The following RAB27A variants were observed in gnomAD, a reference collection of about 807,000 sequenced individuals.
RAB27A encodes RAB27A, member RAS oncogene family.
A neutral mutation model predicts 20.8 loss-of-function variants in RAB27A; 17 were observed. The ratio of observed to expected loss-of-function variants is 0.82; its 90% confidence interval spans 0.56 to 1.23. The LOEUF is 1.23. RAB27A is among the 50% of genes most tolerant of loss of function. RAB27A has a pLI of 0.00. For missense variants in RAB27A, 277 were observed against 266.7 expected (o/e 1.04, Z -0.27); for synonymous variants, 85 against 92.8 (o/e 0.92, Z 0.48).
chr15:55,259,753 G>C (rs1291746567), intron 2 of RAB27A, among the ~76,000 whole-genome samples: 1 of 151,992 alleles, frequency 6.6e-6, no homozygotes, highest in Non-Finnish European at 1.5e-5. Context: ...ACCATTTATT[G>C]CATAAAATTA....
At chr15:55,244,503 G>A (rs1213078087) in intron 2 of RAB27A, among the ~76,000 whole-genome samples, 1 of 152,090 alleles carries the variant, frequency 6.6e-6, no homozygotes, top group East Asian at 1.9e-4. Context: ...GTTGGGGGGA[G>A]ATGACGTCTC....
chr15:55,210,213 A>ATGTGTATGTATACATACACACATGTGTG (rs1894947990), intron 6 of RAB27A, among the ~76,000 whole-genome samples: 1 of 142,794 alleles, frequency 7.0e-6, no homozygotes, highest in Non-Finnish European at 1.5e-5. Context: ...ACACACATGT[A>ATGTGTATGTATACATACACACATGTGTG]TGTGTATGTA....
At chr15:55,220,694 T>G (rs1895529928) in intron 6 of RAB27A, among the ~76,000 whole-genome samples, 1 of 152,270 alleles carries the variant, frequency 6.6e-6, no homozygotes, top group Non-Finnish European at 1.5e-5. Context: ...GTTTTCTGAC[T>G]GTTAGCACAT....
At chr15:55,316,191 C>T (rs1371711062) in intron 1 of RAB27A, among the ~76,000 whole-genome samples, 2 of 148,990 alleles carry the variant, frequency 1.3e-5, no homozygotes, top group South Asian at 2.1e-4. Context: ...ACCAATATTG[C>T]GCCACTGCGC....
intron 2 of RAB27A, among the ~76,000 whole-genome samples, chr15:55,309,975 G>C (rs537625883): frequency 1.6e-4 from 24 of 152,034 alleles, no homozygotes; most frequent in African/African-American, 5.8e-4. Context: ...ACTCGAACAG[G>C]ACGGGCATTC....
upstream of RAB27A, chr15:55,290,008 C>T (rs575708659): frequency 4.6e-5 from 7 of 152,324 alleles, 1 homozygote; most frequent in South Asian, 1.4e-3. Context: ...CCGCTCGCCT[C>T]CTTTGTCCCA....
chr15:55,318,396 C>G (rs1443527681), intron 1 of RAB27A, among the ~76,000 whole-genome samples: 4 of 145,960 alleles, frequency 2.7e-5, no homozygotes, highest in Non-Finnish European at 4.5e-5. Flanking sequence ...CGCGCCCGGC[C>G]TGGTTTTACT....
At chr15:55,213,639 G>A (rs1445945170) in intron 6 of RAB27A, among the ~76,000 whole-genome samples, 1 of 152,094 alleles carries the variant, frequency 6.6e-6, no homozygotes, top group Admixed American at 6.5e-5. Context: ...CAGATTAGCA[G>A]CATCATTAGA....
intron 6 of RAB27A, among the ~76,000 whole-genome samples, chr15:55,213,609 A>T (rs1444260934): frequency 1.3e-5 from 2 of 152,096 alleles, no homozygotes; most frequent in Non-Finnish European, 1.5e-5. Context: ...TCACATTACC[A>T]CCTGAGCTCT....
intron 2 of RAB27A, among the ~76,000 whole-genome samples, chr15:55,266,656 C>T (rs1897498036): frequency 6.6e-6 from 1 of 152,204 alleles, no homozygotes; most frequent in Non-Finnish European, 1.5e-5. Flanking sequence ...AAAGCACTAA[C>T]TCATTTAGTC....
At chr15:55,305,107 T>C (rs1241163018) in intron 2 of RAB27A, among the ~76,000 whole-genome samples, 3 of 152,178 alleles carry the variant, frequency 2.0e-5, no homozygotes, top group Non-Finnish European at 4.4e-5. Context: ...AGGTGTGAGC[T>C]AAGTTGCAAG....
intron 1 of RAB27A, among the ~76,000 whole-genome samples, chr15:55,318,089 A>G (rs927161066): frequency 1.4e-5 from 2 of 147,030 alleles, no homozygotes; most frequent in African/African-American, 2.6e-5. Context: ...TTTTAAATGC[A>G]TACTTTTTCT....
At chr15:55,293,428 T>C (rs1300778190), upstream of RAB27A, among the ~76,000 whole-genome samples, 2 of 151,166 alleles carry the variant, frequency 1.3e-5, no homozygotes, top group African/African-American at 4.9e-5. Context: ...AGATGCAAGA[T>C]ACTAGATCAA....
intron 1 of RAB27A, among the ~76,000 whole-genome samples, chr15:55,288,618 G>A (rs1321816320): frequency 6.6e-6 from 1 of 151,928 alleles, no homozygotes; most frequent in Non-Finnish European, 1.5e-5. Flanking sequence ...AAGGGAGGGA[G>A]GGAGGAAGAG....
chr15:55,257,785 G>C (rs1897131276), intron 2 of RAB27A, among the ~76,000 whole-genome samples: 1 of 152,192 alleles, frequency 6.6e-6, no homozygotes, highest in African/African-American at 2.4e-5. Flanking sequence ...CTGAGGTCAA[G>C]AGATCGAGAC....
At chr15:55,220,705 G>A (rs1345153113) in intron 6 of RAB27A, among the ~76,000 whole-genome samples, 1 of 152,202 alleles carries the variant, frequency 6.6e-6, no homozygotes, top group Non-Finnish European at 1.5e-5. Flanking sequence ...GTTAGCACAT[G>A]GATAAACTAA....
At chr15:55,282,682 C>T (rs7167572) in intron 1 of RAB27A, among the ~76,000 whole-genome samples, 40,329 of 152,036 alleles carry the variant, frequency 0.27, 6,806 homozygotes, top group Non-Finnish European at 0.39. Context: ...TTCAGGTACA[C>T]GATCTCTGGG....
chr15:55,286,137 G>A lies in RAB27A; in HGVS notation c.-143+3579C>T, dbSNP rs1239269259. Among the ~76,000 whole-genome samples, 5 of 152,304 alleles carry A rather than the reference G, an allele frequency of 3.3e-5. No homozygotes were observed. The East Asian group carries it at 5.8e-4, about 18-fold the overall frequency. Reference sequence around the variant, plus strand: ...CAGACATACCATCCTGGATGTGCCCGATCTCCTCTGATCTTGGAAGCCAAG... The same window carrying A: ...CAGACATACCATCCTGGATGTGCCCAATCTCCTCTGATCTTGGAAGCCAAG... On this transcript the variant is annotated intron_variant, in intron 1 of 6. Transcript: ENST00000336787.
intron 6 of RAB27A, among the ~76,000 whole-genome samples, chr15:55,209,783 C>T (rs1403018145): frequency 8.9e-5 from 11 of 123,628 alleles, no homozygotes; most frequent in Admixed American, 2.9e-4. Context: ...TATATACACA[C>T]ATATGTGTGT....
Sources: gnomAD v4.1 joint callset for allele counts (sites outside exome capture counted in the v4.1 genomes callset) on GRCh38, gnomAD v4.1.1 for gene constraint, MANE v1.5 for transcripts, NCBI Gene and HGNC (gene_info 2026-07-23, HGNC 2026-07-21) for gene names.